Variants in MTMR3 observed in about 807,000 individuals in gnomAD.
The protein encoded by MTMR3 is phosphatidylinositol-3,5-bisphosphate 3-phosphatase MTMR3.
A neutral mutation model predicts 132.4 loss-of-function variants in MTMR3; 32 were observed. The observed-to-expected ratio is 0.24, with a 90% CI of 0.18 to 0.32. The LOEUF is 0.32. Among genes scored for constraint, MTMR3 ranks in the 10% least tolerant of loss-of-function variants. The pLI, the probability that MTMR3 is intolerant of heterozygous loss-of-function variation, is 1.00. For synonymous variants in MTMR3, 556 were observed against 550.3 expected (o/e 1.01, Z -0.14); for missense variants, 1,216 against 1,489.6 (o/e 0.82, Z 3.02).
intron 1 of MTMR3, among the ~76,000 whole-genome samples, chr22:29,919,016 AT>A (rs1233832691): frequency 6.6e-6 from 1 of 152,190 alleles, no homozygotes; most frequent in Non-Finnish European, 1.5e-5. Context: ...AAATGCTGGA[AT>A]TACAGGCCTG....
At chr22:30,016,872 G>A (rs2067605154) in intron 15 of MTMR3, 174 bp downstream of exon 15, 1 of 732,312 alleles carries the variant, frequency 1.4e-6, no homozygotes, top group South Asian at 1.9e-5. Context: ...GCTTCTGATG[G>A]TGCTCTGATC....
At chr22:30,018,107 T>C (rs1244727793) in intron 16 of MTMR3, 35 bp downstream of exon 16, 1 of 1,561,330 alleles carries the variant, frequency 6.4e-7, no homozygotes, top group Admixed American at 2.1e-5. Flanking sequence ...CCTGACAGCC[T>C]GTGTGGGTGT....
intron 6 of MTMR3, 42 bp from the exon 7 acceptor site, chr22:29,991,462 C>G (rs1601387077): frequency 6.5e-7 from 1 of 1,533,940 alleles, no homozygotes; most frequent in Non-Finnish European, 8.8e-7. Flanking sequence ...TTCATTTCAA[C>G]TGTCTTCTGA....
chr22:29,982,973 G>GTGTGTGTGTGTGTGTA (rs992209270), intron 5 of MTMR3: 20 of 148,098 alleles, frequency 1.4e-4, no homozygotes, highest in African/African-American at 4.5e-4. Flanking sequence ...GTGTGTGTGT[G>GTGTGTGTGTGTGTGTA]TGTATGTGTT....
intron 1 of MTMR3, among the ~76,000 whole-genome samples, chr22:29,933,422 T>C (rs1370140644): frequency 6.6e-6 from 1 of 152,142 alleles, no homozygotes; most frequent in East Asian, 1.9e-4. Flanking sequence ...CACATCACAG[T>C]TGGCAAAATA....
intron 9 of MTMR3, chr22:30,003,532 G>C (rs1355984791): frequency 6.6e-6 from 1 of 152,134 alleles, no homozygotes; most frequent in Non-Finnish European, 1.5e-5. Flanking sequence ...GGGGATGGTG[G>C]CATGGTGATG....
At chr22:29,892,017 G>T (rs1674688569) in intron 1 of MTMR3, among the ~76,000 whole-genome samples, 2 of 152,020 alleles carry the variant, frequency 1.3e-5, no homozygotes, top group African/African-American at 2.4e-5. Context: ...GCCCAGCGTG[G>T]TGGCACGCGC....
At chr22:29,971,122 A>C in intron 3 of MTMR3, 60 bp downstream of exon 3, 1 of 1,517,834 alleles carries the variant, frequency 6.6e-7, no homozygotes, top group Non-Finnish European at 8.9e-7. Context: ...CTGACAATTA[A>C]GTGAACACTA....
chr22:29,973,857 C>T lies in MTMR3; in HGVS notation c.3+2795C>T, dbSNP rs541673588. On this transcript the variant is annotated intron_variant, in intron 3 of 19. Coordinates refer to ENST00000401950, the MANE Select transcript of MTMR3 (RefSeq NM_021090.4). ...CAGGTGATCCATCTGCCTCAGCCTC[C>T]CAAAGTGCTGAGATTACAGGCATGA... Among the ~76,000 whole-genome samples, 12 of 152,154 alleles carry T rather than the reference C, an allele frequency of 7.9e-5. No homozygotes were observed. In the South Asian group the frequency reaches 2.5e-3, roughly 32 times the overall value.
rs2066962181 is a variant in MTMR3, at chr22:29,991,594, C to T, written c.384C>T (p.Phe128=). ...CACCTGCTAAAATAGAAGATCTCTT[C>T]TCATTTGCATACCATGCTTGGTGCA... ...IRPPAKIEDL[F]SFAYHAWCME... The change falls in exon 7 of 20, where the codon TTC becomes TTT. Residue 128 remains phenylalanine, a synonymous_variant. Transcript: ENST00000401950. 2 of 1,613,962 alleles carry T rather than the reference C, an allele frequency of 1.2e-6. No homozygotes were observed. The highest frequency in any genetic ancestry group is 4.5e-5 in the East Asian group (2 of 44,882).
intron 7 of MTMR3, chr22:29,992,577 A>G (rs1569039771): frequency 6.6e-6 from 1 of 152,158 alleles, no homozygotes; most frequent in African/African-American, 2.4e-5. Flanking sequence ...CTGGTCCAAC[A>G]CTGACTTTTA....
rs372125715 is a variant in MTMR3, at chr22:29,889,309, A to G, written c.-138+5950A>G. Among the ~76,000 whole-genome samples the G allele has an allele frequency of 2.7e-5, 3 of 113,072 alleles. No individual in the cohort carries two copies. In the East Asian group the frequency reaches 8.7e-4, roughly 33 times the overall value. The allele number at this position is 113,072 out of a possible 152,430, so 74.2% of individuals were successfully genotyped here. A position where few individuals can be genotyped will look rare whatever the true frequency, so the allele number is the denominator to read the frequency against. On this transcript the variant is annotated intron_variant, in intron 1 of 19. Transcript: ENST00000401950. ...CTTTTTTTTTTTTTTTTTTTTTTAG[A>G]TGGCGTCTCGCTCTGTCACTCAGGC...
chr22:29,896,069 G>C (rs918272991), intron 1 of MTMR3, among the ~76,000 whole-genome samples: 6 of 152,190 alleles, frequency 3.9e-5, no homozygotes, highest in Non-Finnish European at 5.9e-5. Flanking sequence ...CAGCACTTTG[G>C]GAGGCGGAGG....
At chr22:30,022,432 TC>T (rs1330451686) in intron 18 of MTMR3, 176 bp from the exon 19 acceptor site, 2 of 633,784 alleles carry the variant, frequency 3.2e-6, no homozygotes, top group African/African-American at 1.8e-5. Context: ...GAGATTGGAG[TC>T]CCCTCCAGGG....
chr22:29,974,216 C>G (rs1178961156), intron 3 of MTMR3, among the ~76,000 whole-genome samples: 2 of 152,104 alleles, frequency 1.3e-5, no homozygotes, highest in African/African-American at 4.8e-5. Context: ...CCAGCGTTTC[C>G]CAATTTATCT....
intron 9 of MTMR3, 30 bp downstream of exon 9, chr22:30,003,023 G>A: frequency 1.3e-6 from 2 of 1,556,890 alleles, no homozygotes; most frequent in Admixed American, 1.7e-5. Flanking sequence ...TCCCAGCTTG[G>A]GCTGGTGCTG....
At chr22:30,006,334 A>G (rs767910466) in intron 9 of MTMR3, 1 of 152,212 alleles carries the variant, frequency 6.6e-6, no homozygotes, top group Non-Finnish European at 1.5e-5. Context: ...TCATTGAGCT[A>G]TCTGCCTATT....
At chr22:29,970,796 C>T (rs2066517839) in intron 2 of MTMR3, among the ~76,000 whole-genome samples, 180 bp from the exon 3 acceptor site, 1 of 151,974 alleles carries the variant, frequency 6.6e-6, no homozygotes, top group South Asian at 2.1e-4. Context: ...TGGGATTTGA[C>T]TAGTGGGAAT....
At chr22:29,912,550 A>C (rs1239463716) in intron 1 of MTMR3, among the ~76,000 whole-genome samples, 4 of 152,202 alleles carry the variant, frequency 2.6e-5, no homozygotes, top group African/African-American at 9.7e-5. Flanking sequence ...TGCTAGGAGG[A>C]TTGCAGGCAT....
Sources: allele counts gnomAD v4.1 joint callset (sites outside exome capture counted in the v4.1 genomes callset), GRCh38; gene constraint gnomAD v4.1.1; transcripts MANE v1.5; gene names NCBI Gene and HGNC (gene_info 2026-07-23, HGNC 2026-07-21).